The following KDM2B variants were observed in gnomAD, a reference collection of about 807,000 sequenced individuals.
The protein encoded by KDM2B is lysine demethylase 2B, also known as lysine-specific demethylase 2B.
KDM2B carries 26 observed loss-of-function variants against 150.0 expected under a neutral mutation model. That is an observed-to-expected ratio of 0.17 (90% confidence interval 0.13 to 0.24). The LOEUF is 0.24. KDM2B is among the 10% of genes least tolerant of loss of function. The pLI, the probability that KDM2B is intolerant of heterozygous loss-of-function variation, is 1.00. For missense variants in KDM2B, 1,265 were observed against 1,816.9 expected, an observed-to-expected ratio of 0.70 and a Z score of 5.52; for synonymous variants, 734 against 729.5, an observed-to-expected ratio of 1.01 and a Z score of -0.10.
intron 22 of KDM2B, 88 bp downstream of exon 22, chr12:121,439,769 G>T: frequency 1.0e-6 from 1 of 962,560 alleles, no homozygotes; most frequent in Non-Finnish European, 1.6e-6. Flanking sequence ...CCACATAGCT[G>T]TAGACACACG....
Position 121,516,314 on chromosome 12 carries a change from G to A in KDM2B, c.1048-2912C>T. The A allele has an allele frequency of 1.3e-5, 5 of 378,738 alleles. 1 individual carries two copies. Among genetic ancestry groups the A allele is most frequent in the South Asian group, 1.1e-4 (5 of 44,190 alleles). 23.5% of individuals were successfully genotyped at this position (378,738 alleles called of 1,614,324 possible). ...ATTGAGGGGGCTGCACTTCAGGAGG[G>A]AAAGATAAGTCTCCCTTCTTTGTTG... On this transcript the variant is annotated intron_variant, in intron 9 of 22. Coordinates refer to ENST00000377071, the MANE Select transcript of KDM2B (RefSeq NM_032590.5).
chr12:121,492,533 C>G (rs1242654551), intron 12 of KDM2B, among the ~76,000 whole-genome samples: 1 of 151,838 alleles, frequency 6.6e-6, no homozygotes, highest in Non-Finnish European at 1.5e-5. Context: ...GTCTCGAACT[C>G]CTGACCTCAA....
chr12:121,443,589 AGTGGGGTGGAGGACCAGCGGG>A (rs781880016), intron 17 of KDM2B, 70 bp downstream of exon 17: 11 of 780,100 alleles, frequency 1.4e-5, no homozygotes, highest in Non-Finnish European at 2.3e-5. Flanking sequence ...GAGAGGCAGC[AGTGGGGTGGAGGACCAGCGGG>A]GTGGGGTGGG....
At chr12:121,415,774 T>A in the KDM2B span, among the ~76,000 whole-genome samples, 3 of 150,120 alleles carry the variant, frequency 2.0e-5, no homozygotes, top group African/African-American at 7.3e-5. Flanking sequence ...GAATTTCAGA[T>A]GAAAAACAAA....
chr12:121,540,323 A>G (rs1888507834), intron 6 of KDM2B, among the ~76,000 whole-genome samples: 1 of 152,140 alleles, frequency 6.6e-6, no homozygotes, highest in South Asian at 2.1e-4. Flanking sequence ...CCTATCTGAC[A>G]TATTACACAG....
At chr12:121,463,175 C>T (rs1235724078) in intron 12 of KDM2B, among the ~76,000 whole-genome samples, 2 of 152,214 alleles carry the variant, frequency 1.3e-5, no homozygotes, top group East Asian at 1.9e-4. Context: ...ATTAGCCAGC[C>T]ATGGTGGCGC....
intron 19 of KDM2B, among the ~76,000 whole-genome samples, 162 bp downstream of exon 19, chr12:121,441,995 G>C (rs1453547330): frequency 5.9e-5 from 9 of 152,238 alleles, no homozygotes; most frequent in Non-Finnish European, 1.3e-4. Flanking sequence ...CCTCTGACAA[G>C]ACCAGAGGGG....
chr12:121,580,435 C>T (rs1348782568), intron 1 of KDM2B: 1 of 1,157,286 alleles, frequency 8.6e-7, no homozygotes, highest in Non-Finnish European at 1.1e-6. Flanking sequence ...CCGTTAGCGC[C>T]GTGGCATCGC....
intron 6 of KDM2B, among the ~76,000 whole-genome samples, chr12:121,539,815 C>T (rs1393524984): frequency 5.9e-5 from 9 of 152,262 alleles, no homozygotes; most frequent in African/African-American, 2.2e-4. Flanking sequence ...TCTCAGCGCA[C>T]TGCAACCTCC....
intron 10 of KDM2B, among the ~76,000 whole-genome samples, chr12:121,511,026 T>A (rs1885536968): frequency 6.6e-6 from 1 of 151,108 alleles, no homozygotes; most frequent in Admixed American, 6.6e-5. Flanking sequence ...TCTTTTTTTT[T>A]TTGAGACAGA....
At chr12:121,423,715 A>G in the KDM2B span, 1 of 759,338 alleles carries the variant, frequency 1.3e-6, no homozygotes, top group Non-Finnish European at 2.1e-6. This position sits in a 1 kb window ranked among gnomAD's most constrained non-coding sequence, Gnocchi z 4.3. Context: ...GGACAGAAAG[A>G]TCCATCCTGA....
chr12:121,558,696 T>C (rs890738096), intron 4 of KDM2B, among the ~76,000 whole-genome samples: 3 of 151,992 alleles, frequency 2.0e-5, no homozygotes, highest in African/African-American at 7.2e-5. Flanking sequence ...GTCAAGTGAT[T>C]TGCCCGCCTC....
At chr12:121,440,705 G>T in intron 21 of KDM2B, 111 bp downstream of exon 21, 1 of 1,065,758 alleles carries the variant, frequency 9.4e-7, no homozygotes. Flanking sequence ...TGGCAGCAGA[G>T]ACTCATCCCT....
chr12:121,440,520 G>A (rs994610865), intron 21 of KDM2B: 9 of 418,132 alleles, frequency 2.2e-5, no homozygotes, highest in Non-Finnish European at 3.5e-5. Flanking sequence ...TGAGATGCAC[G>A]CAGAGCCCCA....
chr12:121,467,093 G>T lies in KDM2B; in HGVS notation c.1735-13749C>A. 1 of 991,536 alleles carries T rather than the reference G, an allele frequency of 1.0e-6. No homozygotes were observed. The highest frequency in any genetic ancestry group is 2.0e-5 in the South Asian group (1 of 49,614). 61.4% of individuals were successfully genotyped at this position (991,536 alleles called of 1,614,324 possible). A position where few individuals can be genotyped will look rare whatever the true frequency, so the allele number is the denominator to read the frequency against. On this transcript the variant is annotated intron_variant, in intron 12 of 22. Coordinates refer to ENST00000377071, the MANE Select transcript of KDM2B (RefSeq NM_032590.5). The surrounding 1 kb of genome is among the most constrained non-coding windows in gnomAD (Gnocchi z 5.1). ...GCGGCGTCGCGGCCGCCCTCGGCGC[G>T]TCAGACAGGCGGTCGGGAGGTCGTG...
At chr12:121,576,413 G>A (rs1891495017) in intron 2 of KDM2B, among the ~76,000 whole-genome samples, 4 of 152,182 alleles carry the variant, frequency 2.6e-5, no homozygotes, top group Admixed American at 1.3e-4. Flanking sequence ...TGGAAACTGT[G>A]TATTTGGTGC....
rs187515014 is a variant in KDM2B at position 121,575,590 on chromosome 12, G to C, written c.350+191C>G. On this transcript the variant is annotated intron_variant, in intron 3 of 22. Coordinates refer to ENST00000377071, the MANE Select transcript of KDM2B (RefSeq NM_032590.5). This position sits in a 1 kb window ranked among gnomAD's most constrained non-coding sequence, Gnocchi z 4.4. ...TGTCCTCTCTCTGCCCAAAGTCCCT[G>C]CAAAAGACCAGTCTTTGGAGAGTGT... Among the ~76,000 whole-genome samples the C allele has an allele frequency of 2.0e-5, 3 of 152,340 alleles. No homozygotes were observed. Among genetic ancestry groups the C allele is most frequent in the Admixed American group, 2.0e-4 (3 of 15,302 alleles).
Position 121,443,770 on chromosome 12 carries a change from G to A in KDM2B, c.2475C>T (p.Pro825=), listed in dbSNP as rs1481734337. The A allele has an allele frequency of 4.4e-6, 7 of 1,606,416 alleles. No individual in the cohort carries two copies. Among genetic ancestry groups the A allele is most frequent in the Admixed American group, 1.7e-5 (1 of 59,386 alleles). Residue 825 remains proline, a synonymous_variant, in exon 17 of 23, where the codon CCC becomes CCT. Coordinates refer to ENST00000377071, the MANE Select transcript of KDM2B (RefSeq NM_032590.5). ...RKRASSLQTS[P]GSSSHLSPRP... ...TCGGCGAGAGGTGAGAGGAGGAACCGGGGGACGTTTGAAGCGATGAGGCCT... is the reference window on the plus strand; with the variant it reads ...TCGGCGAGAGGTGAGAGGAGGAACCAGGGGACGTTTGAAGCGATGAGGCCT...
intron 4 of KDM2B, among the ~76,000 whole-genome samples, chr12:121,573,126 ATTT>A (rs561026873): frequency 7.4e-6 from 1 of 134,410 alleles, no homozygotes; most frequent in Non-Finnish European, 1.6e-5. Flanking sequence ...GCCCGGCCTA[ATTT>A]TTTTTTTTTT....
Sources: allele counts gnomAD v4.1 joint callset (sites outside exome capture counted in the v4.1 genomes callset), GRCh38; gene constraint gnomAD v4.1.1; non-coding constraint Gnocchi (gnomAD v3.1); transcripts MANE v1.5; gene names NCBI Gene and HGNC (gene_info 2026-07-23, HGNC 2026-07-21).